TRIO: variants seen among roughly 807,000 people sequenced by gnomAD.
TRIO encodes triple functional domain protein.
TRIO carries 58 observed loss-of-function variants against 351.9 expected under a neutral mutation model. The observed-to-expected ratio is 0.16, with a 90% CI of 0.13 to 0.21. The LOEUF is 0.21. Ranked by LOEUF, TRIO falls within the 10% of genes least tolerant of loss-of-function variation. The probability of loss-of-function intolerance (pLI) is 1.00; values close to 1 mark genes in which losing one functional copy is unlikely to be tolerated. For synonymous variants in TRIO, 1,758 were observed against 1,595.7 expected (o/e 1.10, Z -2.42); for missense variants, 3,201 against 4,027.8 (o/e 0.79, Z 5.56).
chr5:14,492,365 A>G, intron 48 of TRIO: 2 of 684,556 alleles, frequency 2.9e-6, no homozygotes, highest in Non-Finnish European at 4.7e-6. Context: ...TGCTTTCTAG[A>G]GAAATTACAT....
intron 1 of TRIO, among the ~76,000 whole-genome samples, chr5:14,193,975 C>T (rs1025901188): frequency 7.2e-5 from 11 of 152,210 alleles, no homozygotes; most frequent in East Asian, 1.9e-4. Context: ...CTTATCTTCC[C>T]GGTAGTTTTT....
intron 1 of TRIO, among the ~76,000 whole-genome samples, chr5:14,255,916 C>A (rs867238973): frequency 3.3e-5 from 5 of 151,664 alleles, no homozygotes; most frequent in Middle Eastern, 6.8e-3. Context: ...ATATAAAGCT[C>A]AAAAATAAGC....
chr5:14,289,829 A>G (rs1211808873), intron 4 of TRIO, among the ~76,000 whole-genome samples: 1 of 152,154 alleles, frequency 6.6e-6, no homozygotes, highest in African/African-American at 2.4e-5. Context: ...AGCCTGGGTG[A>G]CAGAGCAAGA....
intron 11 of TRIO, among the ~76,000 whole-genome samples, chr5:14,356,814 A>C (rs943603473): frequency 3.9e-5 from 6 of 152,230 alleles, no homozygotes; most frequent in African/African-American, 1.4e-4. Flanking sequence ...TGATACACAC[A>C]GTAGTATGGA....
intron 31 of TRIO, among the ~76,000 whole-genome samples, chr5:14,405,349 A>C (rs1748609569): frequency 6.6e-6 from 1 of 152,232 alleles, no homozygotes; most frequent in African/African-American, 2.4e-5. Flanking sequence ...AGTGGATGAC[A>C]GCATGCGAGA....
chr5:14,222,096 A>G (rs1792669387), intron 1 of TRIO, among the ~76,000 whole-genome samples: 2 of 151,380 alleles, frequency 1.3e-5, no homozygotes, highest in Non-Finnish European at 2.9e-5. Flanking sequence ...CAGCAAAAAG[A>G]TTACGACTCT....
At chr5:14,213,783 T>G (rs1270208161) in intron 1 of TRIO, among the ~76,000 whole-genome samples, 3 of 152,124 alleles carry the variant, frequency 2.0e-5, no homozygotes, top group South Asian at 2.1e-4. Flanking sequence ...ATGCCAGAAT[T>G]GGAGTATTAG....
chr5:14,201,301 AT>A lies in TRIO; in HGVS notation c.157+57425del, dbSNP rs1277185281. Among the ~76,000 whole-genome samples the A allele has an allele frequency of 1.1e-4, 17 of 152,282 alleles. No homozygotes were observed. In the South Asian group the frequency reaches 3.5e-3, roughly 32 times the overall value. On this transcript the variant is annotated intron_variant, in intron 1 of 56. Coordinates refer to ENST00000344204, the MANE Select transcript of TRIO (RefSeq NM_007118.4). ...AATAAAAAATAAAACGTTCTCATCTATTTTTTAGAGTAATTTAAGAAGATTC... is the reference window on the plus strand; with the variant it reads ...AATAAAAAATAAAACGTTCTCATCTATTTTTAGAGTAATTTAAGAAGATTC...
intron 47 of TRIO, 26 bp downstream of exon 47, chr5:14,485,272 T>C: frequency 6.4e-7 from 1 of 1,551,932 alleles, no homozygotes; most frequent in Non-Finnish European, 8.8e-7. Context: ...TTACTAGATG[T>C]GTGCTTTCTT....
intron 34 of TRIO, 70 bp downstream of exon 34, chr5:14,420,091 C>G (rs1458129763): frequency 6.4e-7 from 1 of 1,561,658 alleles, no homozygotes; most frequent in African/African-American, 1.3e-5. Context: ...GTCTCCGCGC[C>G]TCTCCTGCCT....
chr5:14,461,168 A>G lies in TRIO; in HGVS notation c.5353A>G (p.Ser1785Gly). 6.4e-7 allele frequency: 1 copy of G among 1,558,216 alleles called. No homozygotes were observed. Among genetic ancestry groups the G allele is most frequent in the South Asian group, 1.2e-5 (1 of 84,786 alleles). The change falls in exon 35 of 57, where the codon AGC becomes GGC. Residue 1785 changes from serine (S) to glycine (G), a missense_variant. By Grantham distance (56) the Ser-to-Gly change is moderately conservative. Coordinates refer to ENST00000344204, the MANE Select transcript of TRIO (RefSeq NM_007118.4). ...GCTCACCAGCCCCGTGCGGCGGCTC[A>G]GCAGCGGCAAGGCCGACGGGCACGT... is the stretch of plus-strand genomic sequence containing the variant. ...KWLTSPVRRL[S>G]SGKADGHVKK... is the part of the protein sequence containing the mutation.
intron 21 of TRIO, among the ~76,000 whole-genome samples, chr5:14,386,548 G>C (rs940956995): frequency 3.9e-5 from 6 of 152,204 alleles, no homozygotes; most frequent in Non-Finnish European, 8.8e-5. Flanking sequence ...AAGCTTAATG[G>C]AGAATAGCAG....
intron 2 of TRIO, among the ~76,000 whole-genome samples, chr5:14,277,466 G>C (rs748788218): frequency 1.1e-4 from 17 of 152,294 alleles, no homozygotes; most frequent in South Asian, 6.2e-4. Flanking sequence ...AGCATTTCCT[G>C]TCTTTTTCAT....
At chr5:14,490,457 G>A (rs1756401397) in intron 48 of TRIO, among the ~76,000 whole-genome samples, 1 of 152,254 alleles carries the variant, frequency 6.6e-6, no homozygotes, top group Non-Finnish European at 1.5e-5. Flanking sequence ...GCTGACAGCA[G>A]GAGTGACATG....
intron 1 of TRIO, among the ~76,000 whole-genome samples, chr5:14,169,338 CTTT>C (rs1193794859): frequency 1.3e-5 from 2 of 151,682 alleles, no homozygotes; most frequent in African/African-American, 4.8e-5. Flanking sequence ...ATTTTCTTTG[CTTT>C]TGTAGGACTA....
At chr5:14,393,503 T>C (rs1579520976) in intron 27 of TRIO, among the ~76,000 whole-genome samples, 1 of 152,232 alleles carries the variant, frequency 6.6e-6, no homozygotes, top group East Asian at 1.9e-4. Context: ...TTTTAGAGGC[T>C]TTCTTCTACA....
At chr5:14,417,714 G>A (rs184707417) in intron 33 of TRIO, among the ~76,000 whole-genome samples, 7 of 152,378 alleles carry the variant, frequency 4.6e-5, no homozygotes, top group Admixed American at 2.0e-4. Context: ...AGAGCTGAGC[G>A]TCTGCAGGCT....
chr5:14,230,949 C>T (rs976890328), intron 1 of TRIO, among the ~76,000 whole-genome samples: 1 of 152,178 alleles, frequency 6.6e-6, no homozygotes, highest in South Asian at 2.1e-4. Context: ...ACTGTTAGTA[C>T]CTTTCACATA....
intron 11 of TRIO, 32 bp from the exon 12 acceptor site, chr5:14,358,146 G>A (rs781441438): frequency 1.3e-5 from 21 of 1,596,502 alleles, no homozygotes; most frequent in African/African-American, 1.1e-4. Context: ...CAGCCAGGCC[G>A]GCCGGCCTCA....
Sources: gnomAD v4.1 joint callset for allele counts (sites outside exome capture counted in the v4.1 genomes callset) on GRCh38, gnomAD v4.1.1 for gene constraint, MANE v1.5 for transcripts, NCBI Gene and HGNC (gene_info 2026-07-23, HGNC 2026-07-21) for gene names.